The following TECPR2 variants were observed in gnomAD, a reference collection of about 807,000 sequenced individuals.
TECPR2 encodes tectonin beta-propeller repeat containing 2.
Under a neutral mutation model 138.1 loss-of-function variants are expected in TECPR2, and 65 were observed. The ratio of observed to expected loss-of-function variants is 0.47; its 90% CI spans 0.39 to 0.58. TECPR2 has a LOEUF of 0.58. Among genes scored for constraint, TECPR2 ranks in the 20% least tolerant of loss-of-function variants. TECPR2 has a pLI of 0.00. For missense variants in TECPR2, 1,553 were observed against 1,824.5 expected, an observed-to-expected ratio of 0.85 and a Z score of 2.71; for synonymous variants, 746 against 749.8, an observed-to-expected ratio of 0.99 and a Z score of 0.08.
rs757365630 is a variant in TECPR2, at chr14:102,496,993, C to G, written c.3804C>G (p.Ser1268Arg). The change falls in exon 18 of 20, where the codon AGC becomes AGG. Residue 1268 changes from serine (S) to arginine (R), a missense_variant. Coordinates refer to ENST00000359520, the MANE Select transcript of TECPR2 (RefSeq NM_014844.5). The part of the protein sequence containing the change: ...IEPPVQPAGV[S>R]LVSVHSSPND... ...CCCGCTTCCAGCCCGCCGGGGTCAGCTTGGTCAGCGTCCATTCCAGCCCCA... is the reference window on the plus strand; with the variant it reads ...CCCGCTTCCAGCCCGCCGGGGTCAGGTTGGTCAGCGTCCATTCCAGCCCCA... The G allele has an allele frequency of 1.2e-6, 2 of 1,614,018 alleles. No individual in the cohort carries two copies. Among genetic ancestry groups the G allele is most frequent in the Non-Finnish European group, 1.7e-6 (2 of 1,179,988 alleles).
Position 102,431,896 on chromosome 14 carries a change from C to T in TECPR2, c.1185C>T (p.Gly395=). Residue 395 remains glycine (G), a synonymous_variant, in exon 8 of 20, where the codon GGC becomes GGT. Coordinates refer to ENST00000359520, the MANE Select transcript of TECPR2 (RefSeq NM_014844.5). The part of the protein sequence containing the change: ...GATVSETRLR[G]SSMASSVASE... ...CAGTTTCTGAGACGAGGCTCAGAGG[C>T]TCTTCCATGGCCAGCTCCGTGGCCA... 6.2e-7 allele frequency: 1 copy of T among 1,609,456 alleles called. No individual in the cohort carries two copies. Among genetic ancestry groups the T allele is most frequent in the Non-Finnish European group, 8.5e-7 (1 of 1,176,276 alleles).
chr14:102,394,589 G>A (rs572526128), intron 2 of TECPR2, among the ~76,000 whole-genome samples: 7 of 152,262 alleles, frequency 4.6e-5, no homozygotes, highest in East Asian at 1.9e-4. Flanking sequence ...GTGACAGAGC[G>A]AGACCCTGTC....
intron 3 of TECPR2, 130 bp downstream of exon 3, chr14:102,407,596 G>A (rs776704439): frequency 3.8e-4 from 478 of 1,246,924 alleles, no homozygotes; most frequent in Non-Finnish European, 4.9e-4. Flanking sequence ...CTCTGCCCAG[G>A]CTCATGCCTG....
At chr14:102,410,804 C>A (rs905192651) in intron 4 of TECPR2, among the ~76,000 whole-genome samples, 1 of 151,850 alleles carries the variant, frequency 6.6e-6, no homozygotes, top group East Asian at 1.9e-4. Flanking sequence ...TTTACACTGC[C>A]GGTTTACACT....
chr14:102,419,966 C>G lies in TECPR2; in HGVS notation c.639-5013C>G, dbSNP rs1216043483. Among the ~76,000 whole-genome samples the G allele has an allele frequency of 6.6e-6, 1 of 152,202 alleles. No homozygotes were observed. Among genetic ancestry groups the G allele is most frequent in the Non-Finnish European group, 1.5e-5 (1 of 68,032 alleles). On this transcript the variant is annotated intron_variant, in intron 5 of 19. Transcript: ENST00000359520. This position sits in a 1 kb window ranked among gnomAD's most constrained non-coding sequence, Gnocchi z 4.8. The stretch of plus-strand genomic sequence containing the variant: ...TTCTGGAACCCCGCGACTAGCACAT[C>G]TGTTTGGATGGCCAGTGGGTGTTAG...
At chr14:102,365,011 A>G (rs3759561) in intron 1 of TECPR2, among the ~76,000 whole-genome samples, 8,136 of 152,312 alleles carry the variant, frequency 0.053, 301 homozygotes, top group African/African-American at 0.098. Context: ...CTCAAGATGC[A>G]TGTTCAATTT....
chr14:102,398,083 A>G (rs1401481285), intron 2 of TECPR2, among the ~76,000 whole-genome samples: 1 of 150,124 alleles, frequency 6.7e-6, no homozygotes, highest in Non-Finnish European at 1.5e-5. Flanking sequence ...AAAAAAAAAA[A>G]AAAAAAAAGA....
intron 6 of TECPR2, among the ~76,000 whole-genome samples, chr14:102,426,953 C>A (rs1238396166): frequency 6.6e-6 from 1 of 152,206 alleles, no homozygotes; most frequent in Non-Finnish European, 1.5e-5. Context: ...TTATTATCAG[C>A]CGTACCTGGT....
At chr14:102,383,710 G>A (rs906524039) in intron 2 of TECPR2, among the ~76,000 whole-genome samples, 5 of 151,310 alleles carry the variant, frequency 3.3e-5, no homozygotes, top group East Asian at 1.9e-4. Context: ...GCCCGGTCCC[G>A]TATTGTCTTT....
intron 16 of TECPR2, among the ~76,000 whole-genome samples, chr14:102,455,964 G>A (rs1890268416): frequency 6.6e-6 from 1 of 152,104 alleles, no homozygotes; most frequent in South Asian, 2.1e-4. Context: ...ATGTTGGCCA[G>A]GCTAGTCTTG....
At chr14:102,416,475 T>C (rs1456197265) in intron 5 of TECPR2, among the ~76,000 whole-genome samples, 1 of 152,172 alleles carries the variant, frequency 6.6e-6, no homozygotes, top group Non-Finnish European at 1.5e-5. Flanking sequence ...ATCTGCAGTC[T>C]CCCTTTCGGT....
Position 102,408,511 on chromosome 14 carries a change from T to C in TECPR2, c.372T>C (p.Gly124=), listed in dbSNP as rs765995444. 1.9e-6 allele frequency: 3 copies of C among 1,608,924 alleles called. No homozygotes were observed. ...AGCTTCGGAGATTTGATGTCACTGG[T>C]ATTCACAAAAATAGCATTACAGCTC... The part of the protein sequence containing the change: ...NKQLRRFDVT[G]IHKNSITALA... The change falls in exon 4 of 20, where the codon GGT becomes GGC. Residue 124 remains glycine, a synonymous_variant. Transcript: ENST00000359520.
rs1891346798 is a variant in TECPR2, at chr14:102,498,267, G to A, written c.*10G>A. The A allele has an allele frequency of 1.3e-6, 2 of 1,597,474 alleles. No homozygotes were observed. The highest frequency in any genetic ancestry group is 2.2e-5 in the East Asian group (1 of 44,810). ...GTGGGAGGTCATCTGAAGGAGCCCTGGCCGAGTCACGCGGAGGGGCCCGGC... is the reference window on the plus strand; with the variant it reads ...GTGGGAGGTCATCTGAAGGAGCCCTAGCCGAGTCACGCGGAGGGGCCCGGC... On this transcript the variant is annotated 3_prime_UTR_variant, in exon 20 of 20. Coordinates refer to ENST00000359520, the MANE Select transcript of TECPR2 (RefSeq NM_014844.5).
At chr14:102,458,970 T>C (rs566422149) in intron 16 of TECPR2, among the ~76,000 whole-genome samples, 2,700 of 110,046 alleles carry the variant, frequency 0.025, 29 homozygotes, top group Middle Eastern at 0.099. Context: ...TACACACATA[T>C]ATATATATAT....
At chr14:102,451,031 C>G (rs1890127003) in intron 15 of TECPR2, among the ~76,000 whole-genome samples, 1 of 152,230 alleles carries the variant, frequency 6.6e-6, no homozygotes, top group African/African-American at 2.4e-5. Context: ...CAACTTCCTT[C>G]CGTCTTGTTC....
At position 102,434,820 on chromosome 14, in the gene TECPR2, G is replaced by C; in HGVS notation, c.2003G>C (p.Arg668Thr). 6.2e-7 allele frequency: 1 copy of C among 1,613,378 alleles called. No individual in the cohort carries two copies. The highest frequency in any genetic ancestry group is 1.1e-5 in the South Asian group (1 of 91,084). Residue 668 changes from arginine to threonine, a missense_variant, in exon 9 of 20, where the codon AGA becomes ACA. Physicochemically the swap from Arg to Thr is moderately conservative, Grantham distance 71. Transcript: ENST00000359520. The part of the protein sequence containing the change: ...PSAEQWLPGT[R>T]ADEGSPVEPS... ...GCTGAACAGTGGCTGCCTGGGACCA[G>C]AGCTGATGAAGGCAGCCCCGTGGAG...
chr14:102,485,032 C>T (rs143592109), intron 17 of TECPR2, among the ~76,000 whole-genome samples: 1 of 152,220 alleles, frequency 6.6e-6, no homozygotes, highest in African/African-American at 2.4e-5. Flanking sequence ...TAATTGTGTG[C>T]TCATTATCAT....
At position 102,438,268 on chromosome 14, in the gene TECPR2, C is replaced by CG. The variant is rs936628279; in HGVS notation, c.2578+63_2578+64insG. ...CGCTCGCCGCTCCTGCTCCCCGCCC[C>CG]CGGGGTGCAGACATCTTAGTACAGG... On this transcript the variant is annotated intron_variant, in intron 10 of 19. Transcript: ENST00000359520. The CG allele has an allele frequency of 1.0e-5, 16 of 1,537,020 alleles. No homozygotes were observed. The African/African-American group carries it at 2.0e-4, about 20-fold the overall frequency.
chr14:102,470,583 C>T (rs1054065534), intron 17 of TECPR2, among the ~76,000 whole-genome samples: 8 of 151,960 alleles, frequency 5.3e-5, no homozygotes, highest in African/African-American at 1.9e-4. Flanking sequence ...GCTAGGATTA[C>T]AGGCATGAGC....
Sources: allele counts gnomAD v4.1 joint callset (sites outside exome capture counted in the v4.1 genomes callset), GRCh38; gene constraint gnomAD v4.1.1; non-coding constraint Gnocchi (gnomAD v3.1); transcripts MANE v1.5; gene names NCBI Gene and HGNC (gene_info 2026-07-23, HGNC 2026-07-21).